Variants in NCKAP5 observed in about 807,000 individuals in gnomAD.
NCKAP5 encodes the protein nck-associated protein 5.
Under a neutral mutation model 167.0 loss-of-function variants are expected in NCKAP5, and 92 were observed. That is an observed-to-expected ratio of 0.55 (90% CI 0.47 to 0.66). NCKAP5 has a LOEUF of 0.66. Among genes scored for constraint, NCKAP5 ranks in the 30% least tolerant of loss-of-function variants. The pLI is 0.00. For synonymous variants in NCKAP5, 891 were observed against 877.4 expected (o/e 1.02, Z -0.27); for missense variants, 2,378 against 2,315.0 (o/e 1.03, Z -0.56).
intron 3 of NCKAP5, among the ~76,000 whole-genome samples, chr2:133,502,576 C>T (rs541305300): frequency 6.6e-6 from 1 of 152,178 alleles, no homozygotes; most frequent in South Asian, 2.1e-4. Flanking sequence ...CCTCTGTATG[C>T]CATATGTCTA....
At chr2:133,060,266 G>C (rs1418163720) in intron 6 of NCKAP5, among the ~76,000 whole-genome samples, 2 of 152,024 alleles carry the variant, frequency 1.3e-5, no homozygotes, top group Admixed American at 6.6e-5. Context: ...ACATACAAAA[G>C]TAGCAGGTGT....
At chr2:133,058,401 T>G (rs1161385829) in intron 6 of NCKAP5, among the ~76,000 whole-genome samples, 1 of 152,200 alleles carries the variant, frequency 6.6e-6, no homozygotes, top group Non-Finnish European at 1.5e-5. Flanking sequence ...CCATTCTTCA[T>G]GCCATGAAGA....
intron 5 of NCKAP5, among the ~76,000 whole-genome samples, chr2:133,200,047 CT>C (rs565351512): frequency 5.6e-4 from 55 of 98,374 alleles, no homozygotes; most frequent in Non-Finnish European, 6.4e-4. Context: ...TCCCAGTTGG[CT>C]TTTTTTTTCT....
chr2:133,423,222 C>T (rs1241145842), intron 3 of NCKAP5, among the ~76,000 whole-genome samples: 3 of 152,190 alleles, frequency 2.0e-5, no homozygotes, highest in East Asian at 3.8e-4. Flanking sequence ...ACTGACATTG[C>T]CACCATTCCA....
chr2:133,399,666 G>A (rs1687976311), intron 3 of NCKAP5, among the ~76,000 whole-genome samples: 1 of 152,160 alleles, frequency 6.6e-6, no homozygotes, highest in Non-Finnish European at 1.5e-5. Flanking sequence ...ATAATATTTA[G>A]AAATATGTGT....
At chr2:133,249,943 G>GCAGGTGAA (rs2088215906) in intron 4 of NCKAP5, among the ~76,000 whole-genome samples, 1 of 151,508 alleles carries the variant, frequency 6.6e-6, no homozygotes, top group Admixed American at 6.6e-5. Context: ...CGTAAAGAAG[G>GCAGGTGAA]CAGGTGAAGA....
At chr2:133,441,254 G>A (rs1690839668) in intron 3 of NCKAP5, among the ~76,000 whole-genome samples, 3 of 152,216 alleles carry the variant, frequency 2.0e-5, no homozygotes, top group South Asian at 2.1e-4. Flanking sequence ...GGACTAGGAA[G>A]ATGGAGTTGA....
chr2:133,353,688 G>T (rs192990130), intron 3 of NCKAP5, among the ~76,000 whole-genome samples: 5 of 152,160 alleles, frequency 3.3e-5, no homozygotes, highest in Non-Finnish European at 7.3e-5. Context: ...AAAAGCAGAA[G>T]AACAGTGGAA....
intron 3 of NCKAP5, among the ~76,000 whole-genome samples, chr2:133,411,988 CT>C (rs753624024): frequency 6.6e-5 from 10 of 152,302 alleles, no homozygotes; most frequent in Non-Finnish European, 1.3e-4. Flanking sequence ...TCCTGTTCAT[CT>C]GCATATCAGG....
intron 8 of NCKAP5, among the ~76,000 whole-genome samples, chr2:132,955,795 T>G (rs753933119): frequency 9.2e-5 from 14 of 152,230 alleles, no homozygotes; most frequent in Non-Finnish European, 1.6e-4. Flanking sequence ...GTATTCCTAT[T>G]TCTCCACATC....
At chr2:132,701,560 T>A (rs566757559) in intron 19 of NCKAP5, among the ~76,000 whole-genome samples, 40 of 152,066 alleles carry the variant, frequency 2.6e-4, no homozygotes, top group Admixed American at 1.0e-3. Flanking sequence ...ATGTCCCTTT[T>A]CCTCTTGTTA....
intron 9 of NCKAP5, among the ~76,000 whole-genome samples, chr2:132,875,090 G>A (rs1691163613): frequency 6.6e-6 from 1 of 152,070 alleles, no homozygotes; most frequent in South Asian, 2.1e-4. Context: ...ACAGCATTCA[G>A]ATAATCTAAT....
chr2:133,662,390 A>C, the NCKAP5 span, among the ~76,000 whole-genome samples: 1 of 151,722 alleles, frequency 6.6e-6, no homozygotes, highest in South Asian at 2.1e-4. Context: ...TCTCTAGAAG[A>C]CTCAATTAAC....
the NCKAP5 span, among the ~76,000 whole-genome samples, chr2:133,582,045 G>C: frequency 6.6e-6 from 1 of 152,162 alleles, no homozygotes; most frequent in African/African-American, 2.4e-5. Context: ...TTGTGGTGAA[G>C]CTTAGTGTTG....
At chr2:132,714,213 A>G (rs1392971115) in intron 19 of NCKAP5, among the ~76,000 whole-genome samples, 1 of 152,218 alleles carries the variant, frequency 6.6e-6, no homozygotes, top group East Asian at 1.9e-4. Context: ...GAAATTGTAT[A>G]TCCGTGGCTA....
intron 7 of NCKAP5, among the ~76,000 whole-genome samples, chr2:132,980,361 G>C (rs1381934481): frequency 6.6e-6 from 1 of 152,052 alleles, no homozygotes; most frequent in African/African-American, 2.4e-5. Context: ...CTCATGCCCA[G>C]GCCACACCCC....
intron 6 of NCKAP5, among the ~76,000 whole-genome samples, chr2:133,058,872 C>T (rs112098923): frequency 0.013 from 2,028 of 152,286 alleles, 45 homozygotes; most frequent in African/African-American, 0.046. Context: ...GAAGAGTCAA[C>T]TGATATAGCA....
chr2:133,401,887 A>C (rs895858909), intron 3 of NCKAP5, among the ~76,000 whole-genome samples: 1 of 151,900 alleles, frequency 6.6e-6, no homozygotes, highest in African/African-American at 2.4e-5. Flanking sequence ...TTACTTTCCA[A>C]ACTTATCTTT....
chr2:133,265,643 G>T (rs1307121173), intron 4 of NCKAP5, among the ~76,000 whole-genome samples: 1 of 152,000 alleles, frequency 6.6e-6, no homozygotes, highest in Non-Finnish European at 1.5e-5. Context: ...GGGGCCGCCT[G>T]GGCAAGTGGC....
Sources: allele counts gnomAD v4.1 joint callset (sites outside exome capture counted in the v4.1 genomes callset), GRCh38; gene constraint gnomAD v4.1.1; transcripts MANE v1.5; gene names NCBI Gene and HGNC (gene_info 2026-07-23, HGNC 2026-07-21).